TGFBR3: variants seen among roughly 807,000 people sequenced by gnomAD.
TGFBR3 encodes the protein transforming growth factor beta receptor 3.
In TGFBR3, 46 loss-of-function variants were observed where a neutral mutation model predicts 87.9. The observed-to-expected ratio is 0.52, with a 90% CI of 0.41 to 0.67. TGFBR3 has a LOEUF of 0.67. Among genes scored for constraint, TGFBR3 ranks in the 30% least tolerant of loss-of-function variants. TGFBR3 has a pLI of 0.00. For synonymous variants in TGFBR3, 381 were observed against 391.6 expected (o/e 0.97, Z 0.32); for missense variants, 866 against 1,041.9 (o/e 0.83, Z 2.32).
At chr1:91,875,943 A>G (rs1171787258) in intron 1 of TGFBR3, among the ~76,000 whole-genome samples, 1 of 151,762 alleles carries the variant, frequency 6.6e-6, no homozygotes, top group Non-Finnish European at 1.5e-5. Context: ...AGAAAAAGAA[A>G]CAAAATGGAA....
intron 2 of TGFBR3, chr1:91,800,952 C>T (rs748810977): frequency 7.0e-5 from 14 of 199,754 alleles, no homozygotes; most frequent in Non-Finnish European, 1.3e-4. Context: ...GGCTTGGTGG[C>T]GTGTACCTGT....
In TGFBR3 at chr1:91,716,574, G is replaced by A. The variant is rs761698806; in HGVS notation, c.1701C>T (p.Ile567=). ...GDASLFTRPE[I]VVFNCSLQQV... ...ACTGATAACAAACACATACCACCACGATTTCAGGTCGGGTGAACAGGGAAG... is the reference window on the plus strand; with the variant it reads ...ACTGATAACAAACACATACCACCACAATTTCAGGTCGGGTGAACAGGGAAG... Residue 567 remains isoleucine, a synonymous_variant, in exon 11 of 17, where the codon ATC becomes ATT. Transcript: ENST00000212355. The A allele has an allele frequency of 1.6e-5, 26 of 1,613,878 alleles. No individual in the cohort carries two copies. The highest frequency in any genetic ancestry group is 8.3e-5 in the Admixed American group (5 of 59,998).
At chr1:91,812,281 C>G (rs952562681) in intron 2 of TGFBR3, among the ~76,000 whole-genome samples, 5 of 152,190 alleles carry the variant, frequency 3.3e-5, no homozygotes, top group African/African-American at 1.2e-4. Context: ...AAAGAACCAC[C>G]TTTCCGCCAC....
At chr1:91,838,136 T>C (rs993205025) in intron 2 of TGFBR3, among the ~76,000 whole-genome samples, 5 of 152,164 alleles carry the variant, frequency 3.3e-5, no homozygotes, top group African/African-American at 1.2e-4. Context: ...AATCTTTATT[T>C]GGTCCAGAAG....
chr1:91,705,900 G>C (rs1015541093), intron 14 of TGFBR3, among the ~76,000 whole-genome samples: 4 of 152,036 alleles, frequency 2.6e-5, no homozygotes, highest in Admixed American at 6.6e-5. Flanking sequence ...AGAAAACATT[G>C]AACTTTCAGT....
At chr1:91,838,225 C>T (rs1677129142) in intron 2 of TGFBR3, among the ~76,000 whole-genome samples, 1 of 152,002 alleles carries the variant, frequency 6.6e-6, no homozygotes, top group African/African-American at 2.4e-5. Flanking sequence ...TGTTAGGATC[C>T]CTTTATTGCT....
intron 4 of TGFBR3, among the ~76,000 whole-genome samples, chr1:91,740,883 G>C (rs1041796732): frequency 2.0e-5 from 3 of 152,114 alleles, no homozygotes; most frequent in African/African-American, 7.2e-5. Flanking sequence ...AGAAATGTAG[G>C]GAAAATAATT....
chr1:91,809,191 C>T (rs556957687), intron 2 of TGFBR3, among the ~76,000 whole-genome samples: 1 of 152,218 alleles, frequency 6.6e-6, no homozygotes, highest in Non-Finnish European at 1.5e-5. Flanking sequence ...ATTACCAAAT[C>T]TGTTCATCTC....
chr1:91,807,239 G>A (rs1405808645), intron 2 of TGFBR3, among the ~76,000 whole-genome samples: 2 of 152,180 alleles, frequency 1.3e-5, no homozygotes, highest in Non-Finnish European at 2.9e-5. Flanking sequence ...CCTGGCTTCA[G>A]GCTGAAGCTT....
chr1:91,769,576 C>T (rs1341063007), intron 3 of TGFBR3, among the ~76,000 whole-genome samples: 1 of 152,084 alleles, frequency 6.6e-6, no homozygotes, highest in East Asian at 1.9e-4. Context: ...TCTAGCCAGA[C>T]TTGGAGATAC....
chr1:91,820,024 A>G (rs1209580742), intron 2 of TGFBR3, among the ~76,000 whole-genome samples: 7 of 152,234 alleles, frequency 4.6e-5, no homozygotes, highest in East Asian at 3.8e-4. Flanking sequence ...TGAGATTATT[A>G]TAAGACTCAA....
chr1:91,865,210 AAAAAAAAAAG>A (rs1387904714), intron 1 of TGFBR3, among the ~76,000 whole-genome samples: 2 of 151,308 alleles, frequency 1.3e-5, no homozygotes, highest in African/African-American at 4.9e-5. Flanking sequence ...CTCAAAAAAA[AAAAAAAAAAG>A]AAAAAAAGAA....
rs1673203584 is a variant in TGFBR3, at chr1:91,742,853, C to A, written c.385-7894G>T. Among the ~76,000 whole-genome samples the A allele has an allele frequency of 2.6e-5, 4 of 152,274 alleles. No homozygotes were observed. The South Asian group carries it at 8.3e-4, about 32-fold the overall frequency. ...TTGAAATTCAGGTTATGCTACCAGA[C>A]TTTTTTAAAGAGCAGAACATTACTC... On this transcript the variant is annotated intron_variant, in intron 4 of 16. Coordinates refer to ENST00000212355, the MANE Select transcript of TGFBR3 (RefSeq NM_003243.5).
At chr1:91,723,403 C>A (rs1446109854) in intron 7 of TGFBR3, among the ~76,000 whole-genome samples, 1 of 149,698 alleles carries the variant, frequency 6.7e-6, no homozygotes, top group Non-Finnish European at 1.5e-5. Context: ...ATCACCTGAG[C>A]CCGTGAGTTA....
rs568510439 is a variant in TGFBR3 at position 91,878,752 on chromosome 1, CA to C, written c.-114+7125del. ...CAAATGATCCATCAGCAATTTTACA[CA>C]AAAAACCTGACCTTCGGCATATACC... On this transcript the variant is annotated intron_variant, in intron 1 of 16. Transcript: ENST00000212355. 2.6e-5 allele frequency among the ~76,000 whole-genome samples: 4 copies of C among 152,276 alleles called. No homozygotes were observed. The East Asian group carries it at 7.7e-4, about 29-fold the overall frequency.
intron 14 of TGFBR3, among the ~76,000 whole-genome samples, chr1:91,701,774 T>C (rs541304430): frequency 1.3e-5 from 2 of 152,220 alleles, no homozygotes; most frequent in East Asian, 1.9e-4. Context: ...CCCACATCTA[T>C]TGGCATTTGG....
rs1022463466 is a variant in TGFBR3 at position 91,682,057 on chromosome 1, T to A, written c.*1682A>T. 40 of 452,662 alleles carry A rather than the reference T, an allele frequency of 8.8e-5. No individual in the cohort carries two copies. The highest frequency in any genetic ancestry group is 3.3e-4 in the Admixed American group (14 of 42,392). 28.0% of individuals were successfully genotyped at this position (452,662 alleles called of 1,614,324 possible). A position where few individuals can be genotyped will look rare whatever the true frequency, so the allele number is the denominator to read the frequency against. On this transcript the variant is annotated 3_prime_UTR_variant, in exon 17 of 17. Coordinates refer to ENST00000212355, the MANE Select transcript of TGFBR3 (RefSeq NM_003243.5). ...AATGTTCCTTATTGAAAAAAAAAAA[T>A]GTTCCTTATTGAATGTGTATATCTA...
intron 3 of TGFBR3, among the ~76,000 whole-genome samples, chr1:91,781,590 A>C (rs988036452): frequency 6.6e-6 from 1 of 152,200 alleles, no homozygotes; most frequent in African/African-American, 2.4e-5. Context: ...AAAAATAGGA[A>C]ACATATGTAG....
chr1:91,834,537 T>A (rs764906941), intron 2 of TGFBR3, among the ~76,000 whole-genome samples: 1 of 152,188 alleles, frequency 6.6e-6, no homozygotes, highest in Non-Finnish European at 1.5e-5. Flanking sequence ...GAACACCTAC[T>A]ACCTAAAGTG....
Sources: gnomAD v4.1 joint callset for allele counts (sites outside exome capture counted in the v4.1 genomes callset) on GRCh38, gnomAD v4.1.1 for gene constraint, MANE v1.5 for transcripts, NCBI Gene and HGNC (gene_info 2026-07-23, HGNC 2026-07-21) for gene names.